Variants in QSOX1 observed in about 807,000 individuals in gnomAD.
QSOX1 encodes quiescin sulfhydryl oxidase 1.
QSOX1 carries 40 observed loss-of-function variants against 76.1 expected under a neutral mutation model. The observed-to-expected ratio is 0.53, with a 90% CI of 0.41 to 0.68. The LOEUF (loss-of-function observed/expected upper bound fraction) is 0.68. QSOX1 is among the 30% of genes least tolerant of loss of function. QSOX1 has a pLI of 0.00. For missense variants in QSOX1, 931 were observed against 974.3 expected (o/e 0.96, Z 0.59); for synonymous variants, 392 against 413.1 (o/e 0.95, Z 0.62).
chr1:180,188,879 C>CACACACAT (rs1398085586), intron 8 of QSOX1, among the ~76,000 whole-genome samples: 1 of 152,258 alleles, frequency 6.6e-6, no homozygotes, highest in Non-Finnish European at 1.5e-5. Context: ...CACGCACACA[C>CACACACAT]ACACACATAC....
At position 180,201,286 on chromosome 1, in the gene QSOX1, A is replaced by G. The variant is rs1663634011; in HGVS notation, c.*4249A>G. The stretch of plus-strand genomic sequence containing the variant: ...CAGCCTATAAGATCAATATCCTGAT[A>G]GAATCCCGGGCCAGGTGTGAGAGGG... On this transcript the variant is annotated 3_prime_UTR_variant, in exon 12 of 12. Transcript: ENST00000367602. 2.6e-5 allele frequency: 4 copies of G among 152,310 alleles called. No individual in the cohort carries two copies. In the South Asian group the frequency reaches 8.3e-4, roughly 32 times the overall value. The allele number at this position is 152,310 out of a possible 1,614,324, so 9.4% of individuals were successfully genotyped here. A position where few individuals can be genotyped will look rare whatever the true frequency, so the allele number is the denominator to read the frequency against.
At position 180,203,157 on chromosome 1, in the gene QSOX1, G is replaced by T. The variant is rs1269046596; in HGVS notation, c.*6120G>T. ...AATATATGCTGTAAATATGACAAAG[G>T]GCTGTGACTCTTCTGCAACACACCA... On this transcript the variant is annotated 3_prime_UTR_variant, in exon 12 of 12. Coordinates refer to ENST00000367602, the MANE Select transcript of QSOX1 (RefSeq NM_002826.5). 6.6e-6 allele frequency: 1 copy of T among 151,990 alleles called. No individual in the cohort carries two copies. The highest frequency in any genetic ancestry group is 1.5e-5 in the Non-Finnish European group (1 of 67,982). 9.4% of individuals were successfully genotyped at this position (151,990 alleles called of 1,614,324 possible). A position where few individuals can be genotyped will look rare whatever the true frequency, so the allele number is the denominator to read the frequency against.
rs1052719604 is a variant in QSOX1 at position 180,196,398 on chromosome 1, C to A, written c.1605C>A (p.Phe535Leu). Reference protein sequence around the residue: ...EATLNFLKAHFSPSNIILDFP... With the variant: ...EATLNFLKAHLSPSNIILDFP... Reference sequence around the variant, plus strand: ...CCCTCAACTTCCTCAAGGCCCACTTCTCCCCAAGCAACATCATCCTGGACT... The same window carrying A: ...CCCTCAACTTCCTCAAGGCCCACTTATCCCCAAGCAACATCATCCTGGACT... The change falls in exon 12 of 12, where the codon TTC becomes TTA. Residue 535 changes from phenylalanine to leucine, a missense_variant. Phe to Leu is a conservative substitution (Grantham distance 22, BLOSUM62 0). Transcript: ENST00000367602. The surrounding 1 kb of genome is among the most constrained non-coding windows in gnomAD (Gnocchi z 4.1). The A allele has an allele frequency of 6.2e-7, 1 of 1,614,230 alleles. No homozygotes were observed.
intron 2 of QSOX1, among the ~76,000 whole-genome samples, chr1:180,173,731 T>TA (rs1189642562): frequency 6.6e-6 from 1 of 152,102 alleles, no homozygotes; most frequent in Non-Finnish European, 1.5e-5. Context: ...TCCTAGTGTT[T>TA]AAAAGGTATG....
chr1:180,176,891 T>C (rs1370092579), intron 4 of QSOX1, among the ~76,000 whole-genome samples: 1 of 152,216 alleles, frequency 6.6e-6, no homozygotes, highest in Non-Finnish European at 1.5e-5. Context: ...TGTGTGCAGG[T>C]GCTCTCAGAG....
rs1165166492 is a variant in QSOX1, at chr1:180,200,161, C to CT, written c.*3125dup. On this transcript the variant is annotated 3_prime_UTR_variant, in exon 12 of 12. Transcript: ENST00000367602. ...GTTTGAATCCAGCTTCCAACACTCA[C>CT]TGGCTGTGTGACTTTGGGCAAGATA... The CT allele has an allele frequency of 1.3e-5, 2 of 152,238 alleles. No homozygotes were observed. The highest frequency in any genetic ancestry group is 4.8e-5 in the African/African-American group (2 of 41,442). 9.4% of individuals were successfully genotyped at this position (152,238 alleles called of 1,614,324 possible).
At chr1:180,167,171 G>C (rs1208048044) in intron 2 of QSOX1, among the ~76,000 whole-genome samples, 1 of 152,236 alleles carries the variant, frequency 6.6e-6, no homozygotes, top group Non-Finnish European at 1.5e-5. Context: ...CAGCTTCCAA[G>C]GCTCTCAAAT....
At position 180,200,232 on chromosome 1, in the gene QSOX1, C is replaced by T. The variant is rs12145255; in HGVS notation, c.*3195C>T. On this transcript the variant is annotated 3_prime_UTR_variant, in exon 12 of 12. Transcript: ENST00000367602. Reference sequence around the variant, plus strand: ...GTGTCATTGGAGATAAACTACCCACCTACCAGATTGTTGTACCATGCTGGG... The same window carrying T: ...GTGTCATTGGAGATAAACTACCCACTTACCAGATTGTTGTACCATGCTGGG... The T allele has an allele frequency of 0.04, 6,100 of 152,316 alleles. 149 individuals are homozygous for T. Among genetic ancestry groups the T allele is most frequent in the Middle Eastern group, 0.099 (29 of 294 alleles). The allele number at this position is 152,316 out of a possible 1,614,324, so 9.4% of individuals were successfully genotyped here. A position where few individuals can be genotyped will look rare whatever the true frequency, so the allele number is the denominator to read the frequency against.
Position 180,190,431 on chromosome 1 carries a change from A to G in QSOX1, c.1141-2A>G. 1 of 1,612,588 alleles carries G rather than the reference A, an allele frequency of 6.2e-7. No individual in the cohort carries two copies. Among genetic ancestry groups the G allele is most frequent in the South Asian group, 1.1e-5 (1 of 91,028 alleles). ...GTGCACTCACACTCATGTGTCCCTC[A>G]GGGTGCCGTTCTTGCCAAGAAGGTG... On this transcript the variant is annotated splice_acceptor_variant, in intron 9 of 11. Coordinates refer to ENST00000367602, the MANE Select transcript of QSOX1 (RefSeq NM_002826.5). LOFTEE classifies it high-confidence loss of function.
At chr1:180,180,583 T>C (rs1663006088) in intron 5 of QSOX1, among the ~76,000 whole-genome samples, 1 of 152,248 alleles carries the variant, frequency 6.6e-6, no homozygotes, top group South Asian at 2.1e-4. Context: ...GGCACAATCT[T>C]GGCTCACTGC....
intron 11 of QSOX1, 65 bp downstream of exon 11, chr1:180,194,457 G>A (rs1663408841): frequency 2.7e-6 from 4 of 1,476,164 alleles, no homozygotes; most frequent in Non-Finnish European, 2.7e-6. Context: ...GGATACTTGG[G>A]AGTCTTAGGC....
At position 180,194,999 on chromosome 1, in the gene QSOX1, G is replaced by GGC. The variant is rs67499035; in HGVS notation, c.1468+608_1468+609insCG. Among the ~76,000 whole-genome samples, 103 of 150,428 alleles carry GGC rather than the reference G, an allele frequency of 6.8e-4. 1 individual carries two copies. The highest frequency in any genetic ancestry group is 2.4e-3 in the African/African-American group (98 of 40,270). ...GCACGTGGCTGTGACAGCCTCCCGG[G>GGC]GGGGGGAGACCAGGGCGGAGCCGAG... On this transcript the variant is annotated intron_variant, in intron 11 of 11. Transcript: ENST00000367602.
At position 180,198,746 on chromosome 1, in the gene QSOX1, C is replaced by T. The variant is rs940050599; in HGVS notation, c.*1709C>T. On this transcript the variant is annotated 3_prime_UTR_variant, in exon 12 of 12. Transcript: ENST00000367602. ...CATCCTCCTGGTTGTGCTCTGCACC[C>T]CCTGCTCCCTTGGGCTGGCCCTGGC... 5 of 273,030 alleles carry T rather than the reference C, an allele frequency of 1.8e-5. No homozygotes were observed. The highest frequency in any genetic ancestry group is 3.7e-5 in the Non-Finnish European group (5 of 135,796). 16.9% of individuals were successfully genotyped at this position (273,030 alleles called of 1,614,324 possible).
intron 4 of QSOX1, 93 bp downstream of exon 4, chr1:180,176,126 A>G: frequency 1.9e-6 from 2 of 1,028,036 alleles, no homozygotes; most frequent in South Asian, 2.9e-5. Flanking sequence ...CGGGGACCCC[A>G]GTTTATTTTC....
intron 1 of QSOX1, among the ~76,000 whole-genome samples, chr1:180,162,216 A>G (rs1558183358): frequency 6.6e-6 from 1 of 152,244 alleles, no homozygotes. Flanking sequence ...ACATACATCA[A>G]TAAATATAAC....
chr1:180,154,891 T>C lies in QSOX1; in HGVS notation c.-17T>C. The C allele has an allele frequency of 7.1e-7, 1 of 1,404,732 alleles. No homozygotes were observed. Among genetic ancestry groups the C allele is most frequent in the Non-Finnish European group, 9.2e-7 (1 of 1,086,814 alleles). 87.0% of individuals were successfully genotyped at this position (1,404,732 alleles called of 1,614,324 possible). ...CTCATCCGGTGCTTGCGTGTGGTGG[T>C]GAGCGCAGCGCCGAGGATGAGGAGG... On this transcript the variant is annotated 5_prime_UTR_variant, in exon 1 of 12. Transcript: ENST00000367602.
intron 1 of QSOX1, among the ~76,000 whole-genome samples, chr1:180,162,814 C>CT (rs1184406288): frequency 2.1e-4 from 32 of 152,122 alleles, no homozygotes; most frequent in Admixed American, 1.5e-3. Flanking sequence ...AAGTCACAGT[C>CT]ATTCATCTAA....
chr1:180,189,668 G>A lies in QSOX1; in HGVS notation c.1134G>A (p.Arg378=), dbSNP rs537852527. 4.3e-6 allele frequency: 7 copies of A among 1,612,694 alleles called. No individual in the cohort carries two copies. In the East Asian group the frequency reaches 1.6e-4, roughly 36 times the overall value. The stretch of plus-strand genomic sequence containing the variant: ...TCTTTAAAACTGCCCTGGACGACAG[G>A]AAAGAGGTGAGTCTGGGAAGCAAAT... ...YSFFKTALDD[R]KEGAVLAKKV... is the part of the protein sequence containing the mutation. Residue 378 remains arginine, a synonymous_variant, in exon 9 of 12, where the codon AGG becomes AGA. Coordinates refer to ENST00000367602, the MANE Select transcript of QSOX1 (RefSeq NM_002826.5).
intron 9 of QSOX1, 54 bp from the exon 10 acceptor site, chr1:180,190,379 C>T: frequency 6.4e-7 from 1 of 1,558,830 alleles, no homozygotes; most frequent in Non-Finnish European, 8.8e-7. Flanking sequence ...CTGTCTCTGC[C>T]TCTCCCATCC....
Sources: allele counts gnomAD v4.1 joint callset (sites outside exome capture counted in the v4.1 genomes callset), GRCh38; gene constraint gnomAD v4.1.1; non-coding constraint Gnocchi (gnomAD v3.1); transcripts MANE v1.5; gene names NCBI Gene and HGNC (gene_info 2026-07-23, HGNC 2026-07-21).